WWTR1: variants seen among roughly 807,000 people sequenced by gnomAD.
WWTR1 encodes WW domain containing transcription regulator 1.
In WWTR1, 13 loss-of-function variants were observed where a neutral mutation model predicts 40.1. The ratio of observed to expected loss-of-function variants is 0.32; its 90% CI spans 0.21 to 0.52. WWTR1 has a LOEUF of 0.52. WWTR1 is among the 20% of genes least tolerant of loss of function. The pLI is 0.97. For missense variants in WWTR1, 436 were observed against 523.1 expected (o/e 0.83, Z 1.63); for synonymous variants, 230 against 210.1 (o/e 1.09, Z -0.82).
At chr3:149,674,259 CTTT>C in intron 1 of WWTR1, among the ~76,000 whole-genome samples, 1 of 141,740 alleles carries the variant, frequency 7.1e-6, no homozygotes, top group East Asian at 2.5e-4. Flanking sequence ...CTCTGTCTGT[CTTT>C]CTCTATCTCT....
In WWTR1 at chr3:149,519,281, A is replaced by T. The variant is rs1274750871; in HGVS notation, c.*1524T>A. On this transcript the variant is annotated 3_prime_UTR_variant, in exon 7 of 7. Transcript: ENST00000360632. ...GAATACATATTTCATGCCTTTTTATACCAACTGTAGCAAACAGGATTAGGA... is the reference window on the plus strand; with the variant it reads ...GAATACATATTTCATGCCTTTTTATTCCAACTGTAGCAAACAGGATTAGGA... 2.6e-5 allele frequency: 4 copies of T among 152,346 alleles called. No individual in the cohort carries two copies. The East Asian group carries it at 7.7e-4, about 29-fold the overall frequency. 9.4% of individuals were successfully genotyped at this position (152,346 alleles called of 1,614,324 possible). A position where few individuals can be genotyped will look rare whatever the true frequency, so the allele number is the denominator to read the frequency against.
chr3:149,622,078 C>T (rs1317602214), intron 2 of WWTR1, among the ~76,000 whole-genome samples: 1 of 152,142 alleles, frequency 6.6e-6, no homozygotes. Context: ...TGCATGCCCC[C>T]CAGTCTTATG....
At chr3:149,689,115 C>G (rs907941534) in intron 1 of WWTR1, among the ~76,000 whole-genome samples, 6 of 152,086 alleles carry the variant, frequency 3.9e-5, no homozygotes, top group African/African-American at 1.4e-4. Flanking sequence ...GGAGTGGTGG[C>G]TCATGCCTAT....
intron 2 of WWTR1, among the ~76,000 whole-genome samples, chr3:149,580,804 G>A (rs1246180852): frequency 6.6e-6 from 1 of 152,052 alleles, no homozygotes; most frequent in African/African-American, 2.4e-5. Flanking sequence ...GTAGAGATGG[G>A]GTTTCACCAT....
At chr3:149,595,264 C>T (rs111927328) in intron 2 of WWTR1, among the ~76,000 whole-genome samples, 5 of 152,016 alleles carry the variant, frequency 3.3e-5, no homozygotes, top group African/African-American at 1.2e-4. Context: ...CCAGCCTTGC[C>T]TATAACTTCT....
At chr3:149,558,904 C>G (rs546339765) in intron 3 of WWTR1, among the ~76,000 whole-genome samples, 1 of 152,170 alleles carries the variant, frequency 6.6e-6, no homozygotes, top group African/African-American at 2.4e-5. Flanking sequence ...AGGACATCAC[C>G]GGGACAACTG....
In WWTR1 at chr3:149,585,611, C is replaced by T. The variant is rs142858646; in HGVS notation, c.432-12611G>A. ...CAACTCTCAGATTCAGTGTGAGAGG[C>T]AGCCAAAGCTGCGATTCCTTTACTG... is the stretch of plus-strand genomic sequence containing the variant. On this transcript the variant is annotated intron_variant, in intron 2 of 6. Coordinates refer to ENST00000360632, the MANE Select transcript of WWTR1 (RefSeq NM_015472.6). 3.8e-3 allele frequency among the ~76,000 whole-genome samples: 581 copies of T among 152,062 alleles called. 5 individuals are homozygous for T. The highest frequency in any genetic ancestry group is 0.013 in the African/African-American group (549 of 41,462).
intron 4 of WWTR1, among the ~76,000 whole-genome samples, chr3:149,719,580 G>A (rs1715707301): frequency 6.6e-6 from 1 of 152,178 alleles, no homozygotes; most frequent in Non-Finnish European, 1.5e-5. Context: ...AAGTAATGCT[G>A]TATGAACACG....
chr3:149,681,740 T>A (rs1714463597), intron 1 of WWTR1, among the ~76,000 whole-genome samples: 1 of 152,146 alleles, frequency 6.6e-6, no homozygotes, highest in African/African-American at 2.4e-5. Flanking sequence ...TTATTCAGCT[T>A]TAAAACAGAA....
chr3:149,617,526 G>A (rs748493058), intron 2 of WWTR1, among the ~76,000 whole-genome samples: 3 of 152,332 alleles, frequency 2.0e-5, no homozygotes, highest in African/African-American at 2.4e-5. Flanking sequence ...CAGGCCAGGC[G>A]CAGTGGCTCA....
chr3:149,579,013 G>A (rs546913360), intron 2 of WWTR1, among the ~76,000 whole-genome samples: 22 of 152,180 alleles, frequency 1.4e-4, no homozygotes, highest in Non-Finnish European at 2.6e-4. Context: ...TTCTGAAATA[G>A]AGAATCCCAT....
intron 4 of WWTR1, among the ~76,000 whole-genome samples, chr3:149,539,000 A>G (rs1371018424): frequency 2.6e-5 from 4 of 152,260 alleles, no homozygotes. Flanking sequence ...TTCCATACTG[A>G]AATAATGAAG....
chr3:149,721,573 T>C (rs924583888), intron 4 of WWTR1, among the ~76,000 whole-genome samples: 4 of 152,224 alleles, frequency 2.6e-5, no homozygotes, highest in African/African-American at 9.6e-5. Flanking sequence ...TTTCTTTTCT[T>C]GTAGAGTCTT....
intron 1 of WWTR1, among the ~76,000 whole-genome samples, chr3:149,672,865 C>A (rs1185586077): frequency 1.3e-5 from 2 of 151,344 alleles, no homozygotes; most frequent in African/African-American, 4.9e-5. Flanking sequence ...CTCATTCCAG[C>A]CTTGGACTCC....
At chr3:149,524,192 T>C (rs1326397328) in intron 6 of WWTR1, among the ~76,000 whole-genome samples, 1 of 152,226 alleles carries the variant, frequency 6.6e-6, no homozygotes, top group Admixed American at 6.5e-5. Flanking sequence ...CAAATCAGGC[T>C]GCCTGTTGGC....
At chr3:149,702,715 T>A (rs1396273115) in intron 1 of WWTR1, 1 of 152,056 alleles carries the variant, frequency 6.6e-6, no homozygotes, top group East Asian at 1.9e-4. Flanking sequence ...TTTCCATCTA[T>A]GAAATAACAA....
At chr3:149,714,015 A>G (rs557656974) in intron 5 of WWTR1, among the ~76,000 whole-genome samples, 3 of 152,318 alleles carry the variant, frequency 2.0e-5, no homozygotes, top group East Asian at 3.9e-4. Context: ...GGAGCCCCCC[A>G]GATCCCACCG....
chr3:149,616,443 T>C (rs1179037797), intron 2 of WWTR1, among the ~76,000 whole-genome samples: 1 of 148,658 alleles, frequency 6.7e-6, no homozygotes, highest in Non-Finnish European at 1.5e-5. Flanking sequence ...TCTCTCTCTC[T>C]CTTTTTTTTT....
intron 2 of WWTR1, 108 bp from the exon 3 acceptor site, chr3:149,573,108 CT>C (rs1737723473): frequency 1.6e-6 from 2 of 1,212,816 alleles, no homozygotes; most frequent in South Asian, 3.1e-5. Flanking sequence ...TTAGGATCTG[CT>C]TGAGTGGTTG....
Sources: allele counts gnomAD v4.1 joint callset (sites outside exome capture counted in the v4.1 genomes callset), GRCh38; gene constraint gnomAD v4.1.1; transcripts MANE v1.5; gene names NCBI Gene and HGNC (gene_info 2026-07-23, HGNC 2026-07-21).